CRIM1: variants seen among roughly 807,000 people sequenced by gnomAD.
CRIM1 encodes the protein cysteine rich transmembrane BMP regulator 1.
CRIM1 carries 32 observed loss-of-function variants against 116.4 expected under a neutral mutation model. That is an observed-to-expected ratio of 0.27 (90% CI 0.21 to 0.37). The LOEUF is 0.37. Among genes scored for constraint, CRIM1 ranks in the 10% least tolerant of loss-of-function variants. The probability of loss-of-function intolerance (pLI) is 1.00; values close to 1 mark genes in which losing one functional copy is unlikely to be tolerated. For missense variants in CRIM1, 1,331 were observed against 1,354.8 expected (o/e 0.98, Z 0.28); for synonymous variants, 590 against 509.2 (o/e 1.16, Z -2.13).
rs570285799 is a variant in CRIM1, at chr2:36,432,235, G to C, written c.506-9023G>C. Among the ~76,000 whole-genome samples, 26 of 152,146 alleles carry C rather than the reference G, an allele frequency of 1.7e-4. No individual in the cohort carries two copies. The South Asian group carries it at 5.4e-3, about 32-fold the overall frequency. ...ATTCAGAGAAGACTGTAGTTTATTA[G>C]GTAAAATTAAACGTTTTGAAACCAG... On this transcript the variant is annotated intron_variant, in intron 2 of 16. Transcript: ENST00000280527.
In CRIM1 at chr2:36,550,816, T is replaced by C. The variant is rs949876567; in HGVS notation, c.*2115T>C. 3.3e-5 allele frequency: 5 copies of C among 152,456 alleles called. No individual in the cohort carries two copies. Among genetic ancestry groups the C allele is most frequent in the Non-Finnish European group, 5.9e-5 (4 of 67,990 alleles). 9.4% of individuals were successfully genotyped at this position (152,456 alleles called of 1,614,324 possible). A position where few individuals can be genotyped will look rare whatever the true frequency, so the allele number is the denominator to read the frequency against. On this transcript the variant is annotated 3_prime_UTR_variant, in exon 17 of 17. Coordinates refer to ENST00000280527, the MANE Select transcript of CRIM1 (RefSeq NM_016441.3). ...CATAAAAAGTCTTTATCAAAAAAAA[T>C]TGTAGATGCTTGCTTTTTGTTTTTT...
At chr2:36,369,800 C>G (rs879517079) in intron 1 of CRIM1, among the ~76,000 whole-genome samples, 11 of 152,244 alleles carry the variant, frequency 7.2e-5, no homozygotes, top group Admixed American at 4.6e-4. Context: ...CCACTGGGCC[C>G]CTGAGTGGGA....
rs1290798812 is a variant in CRIM1 at position 36,549,776 on chromosome 2, G to A, written c.*1075G>A. On this transcript the variant is annotated 3_prime_UTR_variant, in exon 17 of 17. Coordinates refer to ENST00000280527, the MANE Select transcript of CRIM1 (RefSeq NM_016441.3). ...GCCTCTTTAAACTTTAGCAATTATA[G>A]GAGTATTTATGTAACTATCTTATGC... The A allele has an allele frequency of 6.6e-6, 1 of 151,968 alleles. No homozygotes were observed. The highest frequency in any genetic ancestry group is 2.4e-5 in the African/African-American group (1 of 41,298). The allele number at this position is 151,968 out of a possible 1,614,324, so 9.4% of individuals were successfully genotyped here.
rs755694512 is a variant in CRIM1 at position 36,529,146 on chromosome 2, G to A, written c.2428+6833G>A. On this transcript the variant is annotated intron_variant, in intron 13 of 16. Transcript: ENST00000280527. ...ACAGTATCTGCCTTTCTCTTATTTTGGTCCAGGAGGCCAAACCTGATTTTG... is the reference window on the plus strand; with the variant it reads ...ACAGTATCTGCCTTTCTCTTATTTTAGTCCAGGAGGCCAAACCTGATTTTG... 5.5e-4 allele frequency: 261 copies of A among 471,062 alleles called. 1 individual carries two copies. Among genetic ancestry groups the A allele is most frequent in the Non-Finnish European group, 1.5e-4 (33 of 227,086 alleles). 29.2% of individuals were successfully genotyped at this position (471,062 alleles called of 1,614,324 possible).
intron 4 of CRIM1, among the ~76,000 whole-genome samples, chr2:36,442,969 CTG>C (rs899155243): frequency 1.3e-5 from 2 of 152,118 alleles, no homozygotes; most frequent in Non-Finnish European, 2.9e-5. Context: ...GTAAGGGTGC[CTG>C]TACACTTTTG....
chr2:36,463,589 C>T (rs188713174), intron 4 of CRIM1, among the ~76,000 whole-genome samples: 4 of 152,290 alleles, frequency 2.6e-5, no homozygotes, highest in African/African-American at 4.8e-5. Context: ...AGAAATCTAG[C>T]GGCTCTTTCC....
In CRIM1 at chr2:36,499,266, A is replaced by G. The variant is rs753346080; in HGVS notation, c.1420A>G (p.Asn474Asp). 11 of 1,613,588 alleles carry G rather than the reference A, an allele frequency of 6.8e-6. No individual in the cohort carries two copies. The highest frequency in any genetic ancestry group is 3.3e-5 in the Admixed American group (2 of 59,992). Residue 474 changes from asparagine to aspartate, a missense_variant, in exon 8 of 17, where the codon AAC (asparagine) becomes GAC (aspartate). Transcript: ENST00000280527. ...TCCACCTGCATGTGGGGAGTTATCAAACTGCACTCTGACAGGGAAGGACTG... is the reference window on the plus strand; with the variant it reads ...TCCACCTGCATGTGGGGAGTTATCAGACTGCACTCTGACAGGGAAGGACTG... ...VDPPACGELS[N>D]CTLTGKDCIN...
intron 7 of CRIM1, among the ~76,000 whole-genome samples, chr2:36,483,857 C>T (rs895496988): frequency 3.9e-5 from 6 of 152,170 alleles, no homozygotes; most frequent in African/African-American, 1.4e-4. Context: ...GTTACCTTAA[C>T]CAGAGCGTCA....
intron 10 of CRIM1, 171 bp from the exon 11 acceptor site, chr2:36,513,385 G>T: frequency 1.7e-6 from 1 of 580,226 alleles, no homozygotes; most frequent in Non-Finnish European, 3.1e-6. Flanking sequence ...CTTTTTTCAA[G>T]ATTGAGAACA....
At position 36,522,161 on chromosome 2, in the gene CRIM1, A is replaced by C; in HGVS notation, c.2276A>C (p.Asp759Ala). Residue 759 changes from aspartate (D) to alanine (A), a missense_variant, in exon 13 of 17, where the codon GAT becomes GCT. Asp to Ala is a moderately radical substitution (Grantham distance 126, BLOSUM62 -2). Coordinates refer to ENST00000280527, the MANE Select transcript of CRIM1 (RefSeq NM_016441.3). ...AATTACTGCAAAAATGATGAAGGGG[A>C]TATATTCCTGGCAGCTGAGTCCTGG... ...VPNYCKNDEGDIFLAAESWKP... is the reference protein window; with the variant it reads ...VPNYCKNDEGAIFLAAESWKP... 1 of 1,614,132 alleles carries C rather than the reference A, an allele frequency of 6.2e-7. No homozygotes were observed. Among genetic ancestry groups the C allele is most frequent in the South Asian group, 1.1e-5 (1 of 91,076 alleles).
At position 36,442,706 on chromosome 2, in the gene CRIM1, T is replaced by G. The variant is rs1445279121; in HGVS notation, c.840T>G (p.Thr280=). 6 of 1,614,222 alleles carry G rather than the reference T, an allele frequency of 3.7e-6. No homozygotes were observed. ...GCTATGAAACTCAAGTCAGACTAACTGCAGATGGTTGCTGTACTTTGCCAA... is the reference window on the plus strand; with the variant it reads ...GCTATGAAACTCAAGTCAGACTAACGGCAGATGGTTGCTGTACTTTGCCAA... The part of the protein sequence containing the change: ...PDSYETQVRL[T]ADGCCTLPTR... Residue 280 remains threonine, a synonymous_variant, in exon 4 of 17, where the codon ACT becomes ACG. Coordinates refer to ENST00000280527, the MANE Select transcript of CRIM1 (RefSeq NM_016441.3).
chr2:36,485,984 G>A (rs545673494), intron 7 of CRIM1, among the ~76,000 whole-genome samples: 65 of 152,276 alleles, frequency 4.3e-4, no homozygotes, highest in Non-Finnish European at 6.9e-4. Flanking sequence ...TAACAAATGC[G>A]TAGCAAATGA....
intron 2 of CRIM1, among the ~76,000 whole-genome samples, chr2:36,427,057 C>T (rs112250310): frequency 0.013 from 1,936 of 151,906 alleles, 46 homozygotes; most frequent in African/African-American, 0.045. Flanking sequence ...AAAAATTAGC[C>T]GGGTGTAGTG....
chr2:36,468,918 G>C (rs538245291), intron 5 of CRIM1, among the ~76,000 whole-genome samples: 2 of 152,358 alleles, frequency 1.3e-5, no homozygotes, highest in Non-Finnish European at 1.5e-5. Context: ...TGGTTGGAAA[G>C]TCGTAGCCAA....
At chr2:36,422,516 G>T (rs777335604) in intron 2 of CRIM1, among the ~76,000 whole-genome samples, 1 of 152,290 alleles carries the variant, frequency 6.6e-6, no homozygotes, top group African/African-American at 2.4e-5. Context: ...GCTGGTGTTT[G>T]TAAGAGTTAT....
chr2:36,519,850 T>G (rs940107118), intron 12 of CRIM1, among the ~76,000 whole-genome samples: 1 of 152,198 alleles, frequency 6.6e-6, no homozygotes, highest in Non-Finnish European at 1.5e-5. Context: ...TTTCTTTCCA[T>G]AAGTTTAAAA....
chr2:36,483,636 G>T (rs11692416), intron 7 of CRIM1, among the ~76,000 whole-genome samples: 48,348 of 152,030 alleles, frequency 0.32, 8,472 homozygotes, highest in East Asian at 0.6. Flanking sequence ...CCTGAAAGAG[G>T]CTCCATCCCC....
In CRIM1 at chr2:36,548,733, C is replaced by G; in HGVS notation, c.*32C>G. On this transcript the variant is annotated 3_prime_UTR_variant, in exon 17 of 17. Transcript: ENST00000280527. ...GCAACTAGGATGAGGTTTCAAAAGACGGAAGACGACTAAATCTGCTCTAAA... is the reference window on the plus strand; with the variant it reads ...GCAACTAGGATGAGGTTTCAAAAGAGGGAAGACGACTAAATCTGCTCTAAA... 1 of 1,525,738 alleles carries G rather than the reference C, an allele frequency of 6.6e-7. No homozygotes were observed. The highest frequency in any genetic ancestry group is 1.3e-5 in the South Asian group (1 of 78,676). 94.5% of individuals were successfully genotyped at this position (1,525,738 alleles called of 1,614,324 possible).
At chr2:36,506,924 C>T (rs1019642203) in intron 8 of CRIM1, among the ~76,000 whole-genome samples, 2 of 151,956 alleles carry the variant, frequency 1.3e-5, no homozygotes, top group Admixed American at 1.3e-4. Flanking sequence ...GTGGTGCAGT[C>T]ACAGCTCTCA....
Sources: gnomAD v4.1 joint callset for allele counts (sites outside exome capture counted in the v4.1 genomes callset) on GRCh38, gnomAD v4.1.1 for gene constraint, MANE v1.5 for transcripts, NCBI Gene and HGNC (gene_info 2026-07-23, HGNC 2026-07-21) for gene names.